TBCD: variants seen among roughly 807,000 people sequenced by gnomAD.
The protein encoded by TBCD is tubulin-specific chaperone D.
TBCD carries 105 observed loss-of-function variants against 169.3 expected under a neutral mutation model. That is an observed-to-expected ratio of 0.62 (90% confidence interval 0.53 to 0.73). The LOEUF (loss-of-function observed/expected upper bound fraction) is 0.73, where lower values mean the gene tolerates loss of function less well. TBCD is among the 30% of genes least tolerant of loss of function. TBCD has a pLI of 0.00. For missense variants in TBCD, 1,444 were observed against 1,600.1 expected (o/e 0.90, Z 1.66); for synonymous variants, 700 against 643.9 (o/e 1.09, Z -1.32).
chr17:82,941,345 CTG>C (rs1372371376), intron 37 of TBCD, 52 bp from the exon 38 acceptor site: 13 of 1,495,776 alleles, frequency 8.7e-6, no homozygotes, highest in Non-Finnish European at 1.2e-5. Context: ...CTCCGCACAC[CTG>C]AGGTTCTCCG....
intron 17 of TBCD, among the ~76,000 whole-genome samples, chr17:82,895,456 G>A (rs1251978383): frequency 2.0e-5 from 3 of 152,244 alleles, no homozygotes; most frequent in Non-Finnish European, 4.4e-5. Context: ...GCGGGGAGCT[G>A]CTGGGGGCCT....
rs765535163 is a variant in TBCD at position 82,920,202 on chromosome 17, T to C, written c.2039-354T>C. ...TCGCTTGGGTCCTGAGTGACAGGTCTAGGAGCAGAAGCCGCTATGCTTCCC... is the reference window on the plus strand; with the variant it reads ...TCGCTTGGGTCCTGAGTGACAGGTCCAGGAGCAGAAGCCGCTATGCTTCCC... On this transcript the variant is annotated intron_variant, in intron 23 of 38. Coordinates refer to ENST00000355528, the MANE Select transcript of TBCD (RefSeq NM_005993.5). The surrounding 1 kb of genome is among the most constrained non-coding windows in gnomAD (Gnocchi z 4.1). 1.3e-5 allele frequency among the ~76,000 whole-genome samples: 2 copies of C among 152,200 alleles called. No individual in the cohort carries two copies. Among genetic ancestry groups the C allele is most frequent in the Non-Finnish European group, 2.9e-5 (2 of 68,036 alleles).
chr17:82,761,591 A>G (rs2047757040), intron 2 of TBCD, among the ~76,000 whole-genome samples: 1 of 152,208 alleles, frequency 6.6e-6, no homozygotes, highest in South Asian at 2.1e-4. Flanking sequence ...TGCCTGTTCT[A>G]GAATCATTCA....
Position 82,920,992 on chromosome 17 carries a change from C to T in TBCD, c.2101+374C>T, listed in dbSNP as rs73368907. ...ACACCACGGACCCTGTGGGCAGAGGCGGCTCCAGTTCCTCAGCAGCCCCCC... is the reference window on the plus strand; with the variant it reads ...ACACCACGGACCCTGTGGGCAGAGGTGGCTCCAGTTCCTCAGCAGCCCCCC... On this transcript the variant is annotated intron_variant, in intron 24 of 38. Coordinates refer to ENST00000355528, the MANE Select transcript of TBCD (RefSeq NM_005993.5). This position sits in a 1 kb window ranked among gnomAD's most constrained non-coding sequence, Gnocchi z 4.1. 767 of 282,120 alleles carry T rather than the reference C, an allele frequency of 2.7e-3. 5 individuals are homozygous for T. The highest frequency in any genetic ancestry group is 0.016 in the African/African-American group (721 of 44,368). The allele number at this position is 282,120 out of a possible 1,614,324, so 17.5% of individuals were successfully genotyped here.
intron 5 of TBCD, among the ~76,000 whole-genome samples, chr17:82,769,642 C>T (rs553648994): frequency 2.6e-5 from 4 of 152,160 alleles, no homozygotes; most frequent in South Asian, 2.1e-4. Context: ...TTTGGGAGGC[C>T]GGGGCGGGCA....
chr17:82,792,456 A>G (rs1294167584), intron 7 of TBCD, among the ~76,000 whole-genome samples: 2 of 152,178 alleles, frequency 1.3e-5, no homozygotes, highest in East Asian at 1.9e-4. Flanking sequence ...AGAATGTTCT[A>G]TGATGTAGGA....
intron 7 of TBCD, among the ~76,000 whole-genome samples, chr17:82,786,397 C>A (rs940066268): frequency 2.6e-5 from 4 of 152,100 alleles, no homozygotes; most frequent in Non-Finnish European, 5.9e-5. Context: ...CAGGGGAGGC[C>A]GTTAGCCCTG....
chr17:82,935,717 A>G (rs922618793), intron 34 of TBCD, among the ~76,000 whole-genome samples: 7 of 152,138 alleles, frequency 4.6e-5, no homozygotes, highest in Admixed American at 3.3e-4. Flanking sequence ...ATGTGCTGCT[A>G]TTGTCGGATA....
At position 82,864,686 on chromosome 17, in the gene TBCD, G is replaced by T. The variant is rs771663402; in HGVS notation, c.1319-5538G>T. ...TGGGTGACTTTCCTGTGGAAAGAGCGGGCTTGGGGCTTGGTGCGTGATCCC... is the reference window on the plus strand; with the variant it reads ...TGGGTGACTTTCCTGTGGAAAGAGCTGGCTTGGGGCTTGGTGCGTGATCCC... On this transcript the variant is annotated intron_variant, in intron 13 of 38. Transcript: ENST00000355528. The surrounding 1 kb of genome is among the most constrained non-coding windows in gnomAD (Gnocchi z 6.3). Among the ~76,000 whole-genome samples, 1 of 152,190 alleles carries T rather than the reference G, an allele frequency of 6.6e-6. No individual in the cohort carries two copies.
At chr17:82,861,039 C>T (rs1599005257) in intron 13 of TBCD, among the ~76,000 whole-genome samples, 1 of 152,272 alleles carries the variant, frequency 6.6e-6, no homozygotes, top group Middle Eastern at 3.4e-3. Flanking sequence ...TTAGTAAAAC[C>T]GCGGCCCGTT....
At chr17:82,792,678 C>G (rs915152270) in intron 7 of TBCD, among the ~76,000 whole-genome samples, 4 of 152,120 alleles carry the variant, frequency 2.6e-5, no homozygotes, top group Non-Finnish European at 4.4e-5. Context: ...ATGGCCCCCA[C>G]CTGTGAAGGT....
In TBCD at chr17:82,924,923, C is replaced by G; in HGVS notation, c.2261-16C>G. 6.4e-7 allele frequency: 1 copy of G among 1,550,820 alleles called. No individual in the cohort carries two copies. The highest frequency in any genetic ancestry group is 8.7e-7 in the Non-Finnish European group (1 of 1,145,444). On this transcript the variant is annotated splice_polypyrimidine_tract_variant and intron_variant, in intron 26 of 38. Coordinates refer to ENST00000355528, the MANE Select transcript of TBCD (RefSeq NM_005993.5). ...GCAGCAGAGGGCCTCTCTTCACACT[C>G]GTTGCTTCCTTTCAGAGGAGCTGAT...
At chr17:82,820,116 G>A (rs558842109) in intron 13 of TBCD, among the ~76,000 whole-genome samples, 204 of 151,958 alleles carry the variant, frequency 1.3e-3, no homozygotes, top group African/African-American at 4.2e-3. Flanking sequence ...GTAGCTGGGA[G>A]TCAGGCGCCC....
At position 82,890,430 on chromosome 17, in the gene TBCD, T is replaced by C. The variant is rs2059050393; in HGVS notation, c.1563+733T>C. 6.6e-6 allele frequency among the ~76,000 whole-genome samples: 1 copy of C among 151,686 alleles called. No homozygotes were observed. Among genetic ancestry groups the C allele is most frequent in the Admixed American group, 6.6e-5 (1 of 15,234 alleles). On this transcript the variant is annotated intron_variant, in intron 16 of 38. Transcript: ENST00000355528. This position sits in a 1 kb window ranked among gnomAD's most constrained non-coding sequence, Gnocchi z 5.3. ...CGGGGTCTGGGCTGTGGCCAGGTGG[T>C]GTGGGGCGGCATGGGGTGGACGTGG...
At chr17:82,838,804 C>A in intron 13 of TBCD, 1 of 985,406 alleles carries the variant, frequency 1.0e-6, no homozygotes, top group South Asian at 4.7e-5. Flanking sequence ...ACTCTAGTTT[C>A]GGCAGGAGAT....
intron 16 of TBCD, 94 bp from the exon 17 acceptor site, chr17:82,893,453 A>T: frequency 1.0e-6 from 1 of 992,178 alleles, no homozygotes; most frequent in Non-Finnish European, 1.5e-6. Context: ...GGGGTTCATG[A>T]GTGTAAATGT....
intron 6 of TBCD, among the ~76,000 whole-genome samples, chr17:82,778,241 T>G (rs2048724362): frequency 6.6e-6 from 1 of 152,104 alleles, no homozygotes; most frequent in African/African-American, 2.4e-5. Flanking sequence ...GCTCGTGTCC[T>G]TGGTCTCTTG....
At chr17:82,859,031 C>A (rs7225774) in intron 13 of TBCD, among the ~76,000 whole-genome samples, 6,504 of 152,346 alleles carry the variant, frequency 0.043, 272 homozygotes, top group African/African-American at 0.11. Context: ...TGCTCGGGGC[C>A]CCGAGAGGCC....
In TBCD at chr17:82,753,304, T is replaced by G. The variant is rs555210523; in HGVS notation, c.184+927T>G. Among the ~76,000 whole-genome samples, 23 of 152,232 alleles carry G rather than the reference T, an allele frequency of 1.5e-4. No homozygotes were observed. The South Asian group carries it at 3.7e-3, about 25-fold the overall frequency. On this transcript the variant is annotated intron_variant, in intron 1 of 38. Coordinates refer to ENST00000355528, the MANE Select transcript of TBCD (RefSeq NM_005993.5). ...TGGCCCTGTCGCTTGGACCTGATAC[T>G]TGATTGCCTGTTTCTTCGGGTGTAA...
Sources: gnomAD v4.1 joint callset for allele counts (sites outside exome capture counted in the v4.1 genomes callset) on GRCh38, gnomAD v4.1.1 for gene constraint, Gnocchi (gnomAD v3.1) non-coding constraint, MANE v1.5 for transcripts, NCBI Gene and HGNC (gene_info 2026-07-23, HGNC 2026-07-21) for gene names.